The following DAB1 variants were observed in gnomAD, a reference collection of about 807,000 sequenced individuals.
The protein encoded by DAB1 is DAB adaptor protein 1.
A neutral mutation model predicts 64.6 loss-of-function variants in DAB1; 15 were observed. That is an observed-to-expected ratio of 0.23 (90% confidence interval 0.16 to 0.36). The LOEUF (loss-of-function observed/expected upper bound fraction) is 0.36, where lower values mean the gene tolerates loss of function less well. Among genes scored for constraint, DAB1 ranks in the 10% least tolerant of loss-of-function variants. DAB1 has a pLI of 1.00. For synonymous variants in DAB1, 235 were observed against 251.9 expected (o/e 0.93, Z 0.64); for missense variants, 596 against 706.7 (o/e 0.84, Z 1.78).
At chr1:58,285,100 C>T (rs1661652975) in intron 4 of DAB1, among the ~76,000 whole-genome samples, 1 of 152,170 alleles carries the variant, frequency 6.6e-6, no homozygotes, top group South Asian at 2.1e-4. Flanking sequence ...CGATAAAATT[C>T]AACATCCTTC....
At chr1:58,368,927 T>C (rs1644239796) in intron 3 of DAB1, among the ~76,000 whole-genome samples, 1 of 152,160 alleles carries the variant, frequency 6.6e-6, no homozygotes, top group South Asian at 2.1e-4. Flanking sequence ...CTTGGGGGGC[T>C]GAAGGATAGC....
At chr1:57,140,270 G>A (rs1001994703) in intron 3 of DAB1, among the ~76,000 whole-genome samples, 1 of 152,142 alleles carries the variant, frequency 6.6e-6, no homozygotes, top group Non-Finnish European at 1.5e-5. Context: ...TATGCTAGAG[G>A]TTCTCTTACC....
At chr1:57,356,254 T>A (rs558566942) in intron 1 of DAB1, among the ~76,000 whole-genome samples, 3 of 152,178 alleles carry the variant, frequency 2.0e-5, no homozygotes, top group South Asian at 2.1e-4. Flanking sequence ...ACCTCAACAT[T>A]TTATTGGAAG....
chr1:57,108,206 G>A (rs1395326061), intron 4 of DAB1, among the ~76,000 whole-genome samples: 2 of 152,274 alleles, frequency 1.3e-5, no homozygotes, highest in Admixed American at 6.5e-5. Context: ...CCTATTAGCA[G>A]CCTCAGAGCA....
chr1:58,163,819 G>A (rs1655674400), intron 4 of DAB1, among the ~76,000 whole-genome samples: 1 of 152,180 alleles, frequency 6.6e-6, no homozygotes, highest in Non-Finnish European at 1.5e-5. Flanking sequence ...CTGCTCATCT[G>A]GCATAAGCTG....
At chr1:57,709,519 C>A (rs545978089) in intron 6 of DAB1, among the ~76,000 whole-genome samples, 1 of 152,004 alleles carries the variant, frequency 6.6e-6, no homozygotes, top group Non-Finnish European at 1.5e-5. Flanking sequence ...AGGCTCATTA[C>A]CCCACCGCCT....
At chr1:58,397,410 G>A (rs1258327462) in intron 3 of DAB1, among the ~76,000 whole-genome samples, 1 of 152,182 alleles carries the variant, frequency 6.6e-6, no homozygotes, top group Non-Finnish European at 1.5e-5. Flanking sequence ...TTGGACGCAG[G>A]AGACAGAAAC....
At chr1:58,416,600 G>A (rs1644723808) in intron 3 of DAB1, among the ~76,000 whole-genome samples, 1 of 152,136 alleles carries the variant, frequency 6.6e-6, no homozygotes, top group South Asian at 2.1e-4. Flanking sequence ...TTAAATGTAA[G>A]TTTTAAAACT....
intron 2 of DAB1, among the ~76,000 whole-genome samples, chr1:57,282,953 T>C (rs1238027522): frequency 6.6e-6 from 1 of 152,140 alleles, no homozygotes; most frequent in African/African-American, 2.4e-5. Flanking sequence ...CCCTATAATT[T>C]TTTTCACATT....
rs138108556 is a variant in DAB1 at position 57,009,190 on chromosome 1, G to A, written c.*15+1490C>T. Among the ~76,000 whole-genome samples the A allele has an allele frequency of 1.6e-3, 249 of 152,256 alleles. 1 individual carries two copies. Among genetic ancestry groups the A allele is most frequent in the African/African-American group, 5.8e-3 (239 of 41,558 alleles). On this transcript the variant is annotated intron_variant, in intron 14 of 14. Coordinates refer to ENST00000371236, the MANE Select transcript of DAB1 (RefSeq NM_001365792.1). The stretch of plus-strand genomic sequence containing the variant: ...TATTCACCAAATTTTTCAAGGCAAG[G>A]TTGAGCACGTGAAATACAACTTAGG...
intron 3 of DAB1, among the ~76,000 whole-genome samples, chr1:58,344,433 T>C (rs1643971861): frequency 6.6e-6 from 1 of 152,158 alleles, no homozygotes; most frequent in South Asian, 2.1e-4. Context: ...TTCCTATCTG[T>C]TGGGAGTGTG....
chr1:57,433,260 T>C lies in DAB1; in HGVS notation n.626-142094A>G, dbSNP rs566244729. ...AAGGGACTTGGAATAGCCAAAACAA[T>C]CCTGGGAAAGAAGAACAAAGTTAGA... On this transcript the variant is annotated intron_variant and non_coding_transcript_variant, in intron 7 of 20. Coordinates refer to the DAB1 transcript ENST00000485760. Among the ~76,000 whole-genome samples, 25 of 152,056 alleles carry C rather than the reference T, an allele frequency of 1.6e-4. No individual in the cohort carries two copies. In the South Asian group the frequency reaches 2.1e-3, roughly 13 times the overall value.
chr1:57,021,654 C>G (rs897647677), intron 11 of DAB1, among the ~76,000 whole-genome samples: 1 of 152,178 alleles, frequency 6.6e-6, no homozygotes, highest in Non-Finnish European at 1.5e-5. Context: ...GTAAATTACC[C>G]GGTGTCAGGT....
chr1:57,436,051 G>T (rs1164758369), intron 7 of DAB1, among the ~76,000 whole-genome samples: 1 of 151,594 alleles, frequency 6.6e-6, no homozygotes, highest in Non-Finnish European at 1.5e-5. Flanking sequence ...TGAGTAGCTG[G>T]GACTACAGGC....
chr1:57,427,625 A>C (rs1685339079), upstream of DAB1, among the ~76,000 whole-genome samples: 1 of 152,180 alleles, frequency 6.6e-6, no homozygotes, highest in Non-Finnish European at 1.5e-5. Context: ...GTTTATTCCT[A>C]CAATTGTTTC....
intron 2 of DAB1, among the ~76,000 whole-genome samples, chr1:57,239,165 C>A (rs1668325240): frequency 6.6e-6 from 1 of 152,144 alleles, no homozygotes; most frequent in Non-Finnish European, 1.5e-5. Context: ...CCACCCAGAT[C>A]TTTACCTATC....
chr1:57,623,226 G>C (rs543508616), intron 7 of DAB1, among the ~76,000 whole-genome samples: 1 of 152,060 alleles, frequency 6.6e-6, no homozygotes, highest in African/African-American at 2.4e-5. Context: ...GGCCACAGGC[G>C]GTGAGATCTT....
At chr1:57,903,458 G>C (rs943239678) in intron 5 of DAB1, among the ~76,000 whole-genome samples, 2 of 152,048 alleles carry the variant, frequency 1.3e-5, no homozygotes, top group Non-Finnish European at 2.9e-5. Context: ...TTTTGGTTGA[G>C]TATTCATCAA....
intron 5 of DAB1, among the ~76,000 whole-genome samples, chr1:58,095,354 C>A (rs979995054): frequency 2.2e-4 from 34 of 152,282 alleles, no homozygotes; most frequent in African/African-American, 7.7e-4. Context: ...CTCACAACCA[C>A]CACAAGGGAT....
Sources: gnomAD v4.1 joint callset for allele counts (sites outside exome capture counted in the v4.1 genomes callset) on GRCh38, gnomAD v4.1.1 for gene constraint, MANE v1.5 for transcripts, NCBI Gene and HGNC (gene_info 2026-07-23, HGNC 2026-07-21) for gene names.